The following TTC9C variants were observed in gnomAD, a reference collection of about 807,000 sequenced individuals.
The protein encoded by TTC9C is tetratricopeptide repeat domain 9C, also known as tetratricopeptide repeat protein 9C.
A neutral mutation model predicts 22.5 loss-of-function variants in TTC9C; 15 were observed. That is an observed-to-expected ratio of 0.67 (90% CI 0.45 to 1.03). The LOEUF is 1.03. TTC9C is among the 50% of genes least tolerant of loss of function. The pLI, the probability that TTC9C is intolerant of heterozygous loss-of-function variation, is 0.00. For missense variants in TTC9C, 244 were observed against 214.6 expected, an observed-to-expected ratio of 1.14 and a Z score of -0.86; for synonymous variants, 92 against 86.8, an observed-to-expected ratio of 1.06 and a Z score of -0.33.
At chr11:62,728,301 C>G, upstream of TTC9C, 1 of 352,180 alleles carries the variant, frequency 2.8e-6, no homozygotes, top group East Asian at 7.7e-5. Context: ...CTTATGTGGA[C>G]ACCTCAGTGT....
intron 1 of TTC9C, among the ~76,000 whole-genome samples, chr11:62,732,567 G>A (rs984526042): frequency 3.4e-5 from 5 of 147,406 alleles, no homozygotes; most frequent in East Asian, 2.0e-4. Flanking sequence ...CCAAGATCGC[G>A]CCATTGCACA....
At chr11:62,731,070 G>C (rs931234760) in intron 1 of TTC9C, among the ~76,000 whole-genome samples, 4 of 151,354 alleles carry the variant, frequency 2.6e-5, no homozygotes, top group Non-Finnish European at 4.4e-5. Flanking sequence ...GGTATTTTTA[G>C]TAGAGACGGG....
chr11:62,731,955 G>A (rs1208351386), intron 1 of TTC9C, among the ~76,000 whole-genome samples: 3 of 137,962 alleles, frequency 2.2e-5, no homozygotes, highest in Admixed American at 1.5e-4. Context: ...AAAGTGCTGG[G>A]ATTACAGGTG....
chr11:62,731,506 C>T (rs777610472), intron 1 of TTC9C, among the ~76,000 whole-genome samples: 12 of 151,920 alleles, frequency 7.9e-5, no homozygotes, highest in Non-Finnish European at 1.8e-4. Flanking sequence ...CTGAGGTGGG[C>T]CAATGTCTTG....
At chr11:62,738,210 T>C in intron 2 of TTC9C, 78 bp from the exon 3 acceptor site, 1 of 851,172 alleles carries the variant, frequency 1.2e-6, no homozygotes, top group Admixed American at 2.2e-5. Context: ...CATGTTAACA[T>C]TCTCTCCTGC....
In TTC9C at chr11:62,735,526, G is replaced by A. The variant is rs769332416; in HGVS notation, c.383G>A (p.Arg128His). 63 of 1,613,664 alleles carry A rather than the reference G, an allele frequency of 3.9e-5. No homozygotes were observed. Among genetic ancestry groups the A allele is most frequent in the African/African-American group, 6.7e-5 (5 of 74,914 alleles). The change falls in exon 2 of 3, where the codon CGC becomes CAC. Residue 128 changes from arginine to histidine, a missense_variant. Transcript: ENST00000316461. ...CATCTGCAGGACTATGACCAGGCCC[G>A]CCACTACCTCCTGGCTGCCGTGAAT... ...FFHLQDYDQA[R>H]HYLLAAVNRQ...
chr11:62,737,608 A>G (rs976854656), intron 2 of TTC9C, among the ~76,000 whole-genome samples: 3 of 152,246 alleles, frequency 2.0e-5, no homozygotes, highest in African/African-American at 7.2e-5. Context: ...TAATAAAGAT[A>G]TAAAATATAA....
At chr11:62,733,799 T>C (rs1189433735) in intron 1 of TTC9C, among the ~76,000 whole-genome samples, 2 of 151,698 alleles carry the variant, frequency 1.3e-5, no homozygotes, top group African/African-American at 2.4e-5. Flanking sequence ...CGAGACCAGC[T>C]TGACCAACAT....
chr11:62,735,967 G>A (rs1404077789), intron 2 of TTC9C: 1 of 152,154 alleles, frequency 6.6e-6, no homozygotes, highest in Non-Finnish European at 1.5e-5. Flanking sequence ...GCCAGGTGGG[G>A]TGGCTCACAT....
intron 1 of TTC9C, among the ~76,000 whole-genome samples, chr11:62,731,940 C>T (rs901789827): frequency 3.3e-5 from 5 of 150,186 alleles, no homozygotes; most frequent in Non-Finnish European, 7.4e-5. Flanking sequence ...CCGCCTTGGC[C>T]TCCCAAAGTG....
chr11:62,730,291 G>C (rs773164374), intron 1 of TTC9C, among the ~76,000 whole-genome samples: 1 of 152,062 alleles, frequency 6.6e-6, no homozygotes, highest in Non-Finnish European at 1.5e-5. Context: ...AGCCAGGCTA[G>C]TCTGGATTCC....
At chr11:62,737,471 A>G (rs758296781) in intron 2 of TTC9C, among the ~76,000 whole-genome samples, 10 of 152,174 alleles carry the variant, frequency 6.6e-5, no homozygotes, top group African/African-American at 9.6e-5. Context: ...TGGTTGGTTG[A>G]GCACTGAAAA....
In TTC9C at chr11:62,729,045, T is replaced by C. The variant is rs1176419566; in HGVS notation, c.197T>C (p.Ile66Thr). The change falls in exon 1 of 3, where the codon ATA (isoleucine) becomes ACA (threonine). Residue 66 changes from isoleucine to threonine, a missense_variant. Physicochemically the swap from Ile to Thr is moderately conservative, Grantham distance 89 (BLOSUM62 -1). Transcript: ENST00000316461. ...GCCCTCACGCCTGAACAAGAAAACA[T>C]ATTGCATACCACCCAGACAGACTGC... The part of the protein sequence containing the change: ...GPALTPEQEN[I>T]LHTTQTDCYN... The C allele has an allele frequency of 2.5e-6, 4 of 1,613,990 alleles. No individual in the cohort carries two copies. The highest frequency in any genetic ancestry group is 2.5e-6 in the Non-Finnish European group (3 of 1,180,038).
rs200576183 is a variant in TTC9C at position 62,728,544 on chromosome 11, T to C, written c.-305T>C. ...CCTGAGTAGGGCCTTGCTTGAGTTC[T>C]TCGGAAAGTCTCATCCACCCCCACA... On this transcript the variant is annotated 5_prime_UTR_variant, in exon 1 of 3. Transcript: ENST00000316461. 202 of 515,760 alleles carry C rather than the reference T, an allele frequency of 3.9e-4. No homozygotes were observed. Among genetic ancestry groups the C allele is most frequent in the Non-Finnish European group, 6.3e-4 (167 of 266,478 alleles). The allele number at this position is 515,760 out of a possible 1,614,324, so 31.9% of individuals were successfully genotyped here. A position where few individuals can be genotyped will look rare whatever the true frequency, so the allele number is the denominator to read the frequency against.
At chr11:62,730,052 C>T (rs1456842133) in intron 1 of TTC9C, among the ~76,000 whole-genome samples, 2 of 152,080 alleles carry the variant, frequency 1.3e-5, no homozygotes, top group Non-Finnish European at 2.9e-5. Flanking sequence ...TTCAGTGGGT[C>T]GTATAGCTTT....
rs374653391 is a variant in TTC9C at position 62,738,405 on chromosome 11, A to T, written c.*23A>T. ...TAACAAAGAAGAAAGATGCTCCTCC[A>T]GTTGAACTTAGGTGGACCATTAAAC... On this transcript the variant is annotated 3_prime_UTR_variant, in exon 3 of 3. Transcript: ENST00000316461. The T allele has an allele frequency of 2.6e-6, 4 of 1,511,952 alleles. No homozygotes were observed. Among genetic ancestry groups the T allele is most frequent in the Non-Finnish European group, 1.8e-6 (2 of 1,092,506 alleles). The allele number at this position is 1,511,952 out of a possible 1,614,324, so 93.7% of individuals were successfully genotyped here.
At chr11:62,736,854 A>C (rs934821422) in intron 2 of TTC9C, among the ~76,000 whole-genome samples, 5 of 141,848 alleles carry the variant, frequency 3.5e-5, no homozygotes, top group South Asian at 2.2e-4. Flanking sequence ...ACTCCATCCC[A>C]AAAAAAAAAA....
intron 2 of TTC9C, 140 bp from the exon 3 acceptor site, chr11:62,738,148 G>A (rs2083932641): frequency 8.9e-6 from 4 of 448,734 alleles, no homozygotes; most frequent in Admixed American, 3.9e-5. Context: ...ATTTACTATT[G>A]CATAGAATGG....
At chr11:62,728,091 G>C (rs1201976127), upstream of TTC9C, 8 of 152,570 alleles carry the variant, frequency 5.2e-5, no homozygotes, top group African/African-American at 1.5e-4. Context: ...GTTTCTGCGG[G>C]ATTATTTTTC....
Sources: allele counts gnomAD v4.1 joint callset (sites outside exome capture counted in the v4.1 genomes callset), GRCh38; gene constraint gnomAD v4.1.1; transcripts MANE v1.5; gene names NCBI Gene and HGNC (gene_info 2026-07-23, HGNC 2026-07-21).